The following C11orf21 variants were observed in gnomAD, a reference collection of about 807,000 sequenced individuals.
The protein encoded by C11orf21 is chromosome 11 open reading frame 21, also known as uncharacterized protein C11orf21.
C11orf21 carries 19 observed loss-of-function variants against 15.2 expected under a neutral mutation model. The observed-to-expected ratio is 1.25, with a 90% CI of 0.87 to 1.84. The LOEUF (loss-of-function observed/expected upper bound fraction) is 1.84. C11orf21 is among the 40% of genes most tolerant of loss of function. The pLI is 0.00. For missense variants in C11orf21, 171 were observed against 174.4 expected, an observed-to-expected ratio of 0.98 and a Z score of 0.11; for synonymous variants, 62 against 66.8, an observed-to-expected ratio of 0.93 and a Z score of 0.35.
upstream of C11orf21, chr11:2,302,884 A>T: frequency 6.2e-7 from 1 of 1,613,538 alleles, no homozygotes; most frequent in Non-Finnish European, 8.5e-7. Flanking sequence ...ACTCTTACCT[A>T]CTTCGGGGCC....
At chr11:2,301,963 C>T (rs1847775316), upstream of C11orf21, 1 of 1,491,172 alleles carries the variant, frequency 6.7e-7, no homozygotes, top group Non-Finnish European at 8.9e-7. Flanking sequence ...CCTCACTGCC[C>T]CTCCCCTTCC....
intron 3 of C11orf21, among the ~76,000 whole-genome samples, chr11:2,299,185 C>A (rs1219051019): frequency 6.6e-6 from 1 of 152,228 alleles, no homozygotes; most frequent in African/African-American, 2.4e-5. Context: ...CTGCCCTCCT[C>A]CTCCCTGGGC....
chr11:2,300,049 C>T (rs111447604), intron 2 of C11orf21, among the ~76,000 whole-genome samples: 5,053 of 129,350 alleles, frequency 0.039, 168 homozygotes, highest in Admixed American at 0.07. Flanking sequence ...AGGCTCCCAG[C>T]GGCCGGCACC....
chr11:2,299,178 C>G (rs1312124711), intron 3 of C11orf21, among the ~76,000 whole-genome samples: 2 of 152,206 alleles, frequency 1.3e-5, no homozygotes, highest in African/African-American at 4.8e-5. Flanking sequence ...AGGGGAGCTG[C>G]CCTCCTCCTC....
chr11:2,299,474 C>T lies in C11orf21; in HGVS notation c.381G>A (p.Trp127Ter). Residue 127 changes from tryptophan (W) to a stop codon, truncating the protein, a stop_gained, in exon 3 of 4, where the codon TGG (tryptophan) becomes TGA (stop). Transcript: ENST00000381153. LOFTEE classifies it high-confidence loss of function. ...SGKLCPRARR[W>*]QPLPS The stretch of plus-strand genomic sequence containing the variant: ...CCCTGTCTCAGGAAGGTAGAGGCTG[C>T]CACCTCCTGGCCCGAGGACACAGCT... 6.5e-7 allele frequency: 1 copy of T among 1,550,254 alleles called. No homozygotes were observed.
upstream of C11orf21, chr11:2,302,622 G>A (rs982625774): frequency 6.0e-5 from 35 of 581,680 alleles, no homozygotes; most frequent in Admixed American, 1.5e-4. Flanking sequence ...TGGGCTGTGC[G>A]TGTATGCGTC....
chr11:2,302,149 C>T (rs1460853878), upstream of C11orf21: 1 of 1,454,586 alleles, frequency 6.9e-7, no homozygotes, highest in African/African-American at 1.4e-5. Context: ...GAGGAACCGT[C>T]ATGGGGCCTT....
chr11:2,300,571 G>A lies in C11orf21; in HGVS notation c.96C>T (p.Val32=), dbSNP rs1042556120. The change falls in exon 2 of 4, where the codon GTC becomes GTT. Residue 32 remains valine (V), a synonymous_variant. Transcript: ENST00000381153. ...TTCCCGTCCACCTGTCAGGGGGTTC[G>A]ACGCCACTTTGAGATGACAAGTGAG... ...RWPHLSSQSG[V]EPPDRWTGTP... 1.9e-5 allele frequency: 30 copies of A among 1,549,850 alleles called. No homozygotes were observed. The highest frequency in any genetic ancestry group is 1.7e-4 in the Middle Eastern group (1 of 5,998).
chr11:2,302,999 G>A (rs200536769), upstream of C11orf21: 21 of 1,553,470 alleles, frequency 1.4e-5, no homozygotes, highest in East Asian at 2.7e-4. Flanking sequence ...GAGGGGCCTC[G>A]GGTGCAAGGG....
chr11:2,302,389 G>A (rs2234290), upstream of C11orf21, among the ~76,000 whole-genome samples: 1 of 152,022 alleles, frequency 6.6e-6, no homozygotes, highest in Middle Eastern at 3.2e-3. Context: ...AGGCAGGCAG[G>A]GACCACCATG....
intron 1 of C11orf21, chr11:2,300,986 C>T (rs901471782): frequency 4.1e-5 from 24 of 578,332 alleles, no homozygotes; most frequent in Non-Finnish European, 6.5e-5. Flanking sequence ...CACAAGCCCC[C>T]ACAGACTCAG....
In C11orf21 at chr11:2,295,880, A is replaced by C. The variant is rs1464152723; in HGVS notation, c.*2070T>G. On this transcript the variant is annotated 3_prime_UTR_variant, in exon 4 of 4. Coordinates refer to ENST00000381153, the MANE Select transcript of C11orf21 (RefSeq NM_001329958.2). The surrounding 1 kb of genome is among the most constrained non-coding windows in gnomAD (Gnocchi z 5.4). ...AAATATGCTCAATTTCTCTGTAAAC[A>C]TGAAACTGCTCTAAAAAATAAAATC... 1 of 152,248 alleles carries C rather than the reference A, an allele frequency of 6.6e-6. No homozygotes were observed. The highest frequency in any genetic ancestry group is 2.4e-5 in the African/African-American group (1 of 41,474). The allele number at this position is 152,248 out of a possible 1,614,324, so 9.4% of individuals were successfully genotyped here. A position where few individuals can be genotyped will look rare whatever the true frequency, so the allele number is the denominator to read the frequency against.
rs1162046586 is a variant in C11orf21 at position 2,300,340 on chromosome 11, G to A, written c.147+180C>T. ...GTGTGCGGGGTGGGCAGGGGTGTGCGGGGTGGGCAGGAGGGTGTGGGGTGG... is the reference window on the plus strand; with the variant it reads ...GTGTGCGGGGTGGGCAGGGGTGTGCAGGGTGGGCAGGAGGGTGTGGGGTGG... On this transcript the variant is annotated intron_variant, in intron 2 of 3. Coordinates refer to ENST00000381153, the MANE Select transcript of C11orf21 (RefSeq NM_001329958.2). 5.9e-4 allele frequency among the ~76,000 whole-genome samples: 86 copies of A among 144,790 alleles called. 1 individual carries two copies. The highest frequency in any genetic ancestry group is 3.2e-3 in the South Asian group (14 of 4,442). The allele number at this position is 144,790 out of a possible 152,430, so 95.0% of individuals were successfully genotyped here. A position where few individuals can be genotyped will look rare whatever the true frequency, so the allele number is the denominator to read the frequency against.
chr11:2,300,186 A>G (rs1463016775), intron 2 of C11orf21, among the ~76,000 whole-genome samples: 4 of 10,972 alleles, frequency 3.6e-4, no homozygotes, highest in African/African-American at 4.7e-4. Context: ...GGGGTGTGTG[A>G]GGTTGGGCAG....
chr11:2,299,418 G>A lies in C11orf21; in HGVS notation c.*28+10C>T, dbSNP rs931792446. The A allele has an allele frequency of 1.2e-5, 19 of 1,544,732 alleles. No homozygotes were observed. The highest frequency in any genetic ancestry group is 3.6e-5 in the South Asian group (3 of 83,982). On this transcript the variant is annotated intron_variant, in intron 3 of 3. Coordinates refer to ENST00000381153, the MANE Select transcript of C11orf21 (RefSeq NM_001329958.2). ...CCCCCAGGCTCCAGCCTCAGAGCCC[G>A]GCTGCTCACCTCTGATGGACAGAAA...
chr11:2,301,926 C>G (rs766927607), upstream of C11orf21: 34 of 1,529,040 alleles, frequency 2.2e-5, no homozygotes, highest in Admixed American at 4.0e-5. Flanking sequence ...GCTGGGGGCA[C>G]CAGGGTGAGG....
rs1305893716 is a variant in C11orf21 at position 2,301,761 on chromosome 11, C to T, written c.48G>A (p.Arg16=). 6.5e-7 allele frequency: 1 copy of T among 1,548,646 alleles called. No individual in the cohort carries two copies. Residue 16 remains arginine (R), a synonymous_variant, in exon 1 of 4, where the codon AGG becomes AGA. Coordinates refer to ENST00000381153, the MANE Select transcript of C11orf21 (RefSeq NM_001329958.2). ...CGMWRRRRPG[R]RSAVPRWPHL... ...TCCCAGGACGGGGAGCTCACCTCCT[C>T]CTCCCCGGGCGCCGTCTCCTCCACA... is the stretch of plus-strand genomic sequence containing the variant.
chr11:2,298,258 T>C (rs4930077), intron 3 of C11orf21, among the ~76,000 whole-genome samples: 29,186 of 152,200 alleles, frequency 0.19, 2,937 homozygotes, highest in African/African-American at 0.26. Context: ...AGCCTGGCAA[T>C]GGGCCTGGGC....
intron 3 of C11orf21, among the ~76,000 whole-genome samples, chr11:2,298,287 G>C (rs1247641011): frequency 6.6e-6 from 1 of 152,234 alleles, no homozygotes; most frequent in East Asian, 1.9e-4. Context: ...TTGAGCATCG[G>C]GGTCTGGCCT....
Sources: gnomAD v4.1 joint callset for allele counts (sites outside exome capture counted in the v4.1 genomes callset) on GRCh38, gnomAD v4.1.1 for gene constraint, Gnocchi (gnomAD v3.1) non-coding constraint, MANE v1.5 for transcripts, NCBI Gene and HGNC (gene_info 2026-07-23, HGNC 2026-07-21) for gene names.